ZNF805: variants seen among roughly 807,000 people sequenced by gnomAD.
The protein encoded by ZNF805 is zinc finger protein 805.
A neutral mutation model predicts 13.6 loss-of-function variants in ZNF805; 7 were observed. The observed-to-expected ratio is 0.51, with a 90% CI of 0.29 to 0.97. ZNF805 has a LOEUF of 0.97. Ranked by LOEUF, ZNF805 falls within the 50% of genes least tolerant of loss-of-function variation. The pLI is 0.08. For synonymous variants in ZNF805, 293 were observed against 279.8 expected, an observed-to-expected ratio of 1.05 and a Z score of -0.47; for missense variants, 604 against 771.0, an observed-to-expected ratio of 0.78 and a Z score of 2.57.
chr19:57,254,272 T>G lies in ZNF805; in HGVS notation c.1453T>G (p.Cys485Gly). 6.2e-7 allele frequency: 1 copy of G among 1,614,044 alleles called. No individual in the cohort carries two copies. Among genetic ancestry groups the G allele is most frequent in the Non-Finnish European group, 8.5e-7 (1 of 1,180,014 alleles). ...SIHTGEKPYE[C>G]MECGKAFNRR... ...CCACACTGGAGAGAAGCCCTATGAG[T>G]GCATGGAGTGTGGAAAGGCCTTCAA... The change falls in exon 4 of 4, where the codon TGC becomes GGC. Residue 485 changes from cysteine (C) to glycine (G), a missense_variant. By Grantham distance (159) the Cys-to-Gly change is radical. Coordinates refer to ENST00000414468, the MANE Select transcript of ZNF805 (RefSeq NM_001023563.4).
At position 57,243,913 on chromosome 19, in the gene ZNF805, G is replaced by T; in HGVS notation, c.31-10G>T. ...ACAGCAAACTCTACTACCTCTATTT[G>T]ACATTTCAGGTGTCTGTGACCTTTG... On this transcript the variant is annotated splice_polypyrimidine_tract_variant and intron_variant, in intron 1 of 3. Transcript: ENST00000414468. The T allele has an allele frequency of 6.2e-7, 1 of 1,614,082 alleles. No individual in the cohort carries two copies. The highest frequency in any genetic ancestry group is 1.1e-5 in the South Asian group (1 of 91,074).
rs1013474174 is a variant in ZNF805 at position 57,240,689 on chromosome 19, G to T, written c.-203G>T. 1.9e-6 allele frequency: 1 copy of T among 513,522 alleles called. No individual in the cohort carries two copies. Among genetic ancestry groups the T allele is most frequent in the Non-Finnish European group, 3.5e-6 (1 of 289,818 alleles). 31.8% of individuals were successfully genotyped at this position (513,522 alleles called of 1,614,324 possible). On this transcript the variant is annotated 5_prime_UTR_variant, in exon 1 of 4. Coordinates refer to ENST00000414468, the MANE Select transcript of ZNF805 (RefSeq NM_001023563.4). ...GGTGTTCCGTGGCCGCCTCCCTGGCGGCGCTGGGGAAATGAGCAGGTAGGA... is the reference window on the plus strand; with the variant it reads ...GGTGTTCCGTGGCCGCCTCCCTGGCTGCGCTGGGGAAATGAGCAGGTAGGA...
At chr19:57,248,454 G>A in intron 2 of ZNF805, 151 bp from the exon 3 acceptor site, 1 of 680,750 alleles carries the variant, frequency 1.5e-6, no homozygotes, top group South Asian at 1.8e-5. Flanking sequence ...CCTGCCCTTG[G>A]TTTCTAGATC....
At chr19:57,249,412 AAAAC>A (rs1267813619) in intron 3 of ZNF805, among the ~76,000 whole-genome samples, 1 of 152,258 alleles carries the variant, frequency 6.6e-6, no homozygotes, top group African/African-American at 2.4e-5. Flanking sequence ...ATTTTTATAA[AAAAC>A]AAAAAAGAAA....
intron 1 of ZNF805, among the ~76,000 whole-genome samples, chr19:57,242,677 T>C (rs1256878426): frequency 6.6e-6 from 1 of 152,192 alleles, no homozygotes; most frequent in East Asian, 1.9e-4. Context: ...GATGAGCTGG[T>C]CCAGGCACTG....
At chr19:57,246,379 A>G (rs1210646807) in intron 2 of ZNF805, among the ~76,000 whole-genome samples, 1 of 152,080 alleles carries the variant, frequency 6.6e-6, no homozygotes. Flanking sequence ...CTACATTTTC[A>G]TGGTTACCTG....
intron 1 of ZNF805, among the ~76,000 whole-genome samples, chr19:57,243,583 A>C (rs1249013846): frequency 3.9e-5 from 6 of 152,186 alleles, no homozygotes; most frequent in Non-Finnish European, 1.5e-5. Flanking sequence ...TGGACCAGTG[A>C]GGCTCAGGCA....
chr19:57,247,339 G>A (rs754555599), intron 2 of ZNF805, among the ~76,000 whole-genome samples: 4 of 152,028 alleles, frequency 2.6e-5, no homozygotes, highest in East Asian at 3.9e-4. Context: ...TCTCTGCCTC[G>A]TCACCACCCT....
chr19:57,244,199 CTTTTTT>C (rs1200854107), intron 2 of ZNF805, 150 bp downstream of exon 2: 157 of 290,736 alleles, frequency 5.4e-4, no homozygotes, highest in South Asian at 1.2e-3. Context: ...TCACCTCTTC[CTTTTTT>C]TTTTTTTTTT....
Position 57,245,583 on chromosome 19 carries a change from T to C in ZNF805, c.157+1534T>C, listed in dbSNP as rs113787215. Among the ~76,000 whole-genome samples, 1,414 of 149,116 alleles carry C rather than the reference T, an allele frequency of 9.5e-3. 24 individuals are homozygous for C. Among genetic ancestry groups the C allele is most frequent in the African/African-American group, 0.031 (1,271 of 40,400 alleles). On this transcript the variant is annotated intron_variant, in intron 2 of 3. Coordinates refer to ENST00000414468, the MANE Select transcript of ZNF805 (RefSeq NM_001023563.4). Reference sequence around the variant, plus strand: ...TCACAAGGTCAGGAGATAGAGACCATCCTGGCTAACACGGTGCAACCCTGT... The same window carrying C: ...TCACAAGGTCAGGAGATAGAGACCACCCTGGCTAACACGGTGCAACCCTGT...
rs992022232 is a variant in ZNF805 at position 57,255,913 on chromosome 19, A to G, written c.*1210A>G. 6.6e-6 allele frequency among the ~76,000 whole-genome samples: 1 copy of G among 152,122 alleles called. No homozygotes were observed. The highest frequency in any genetic ancestry group is 2.4e-5 in the African/African-American group (1 of 41,440). ...AAGTTATCCATGCCTTGTTCCTGATATTAGGGGGAAATGTTCAGTTTCTCA... is the reference window on the plus strand; with the variant it reads ...AAGTTATCCATGCCTTGTTCCTGATGTTAGGGGGAAATGTTCAGTTTCTCA... On this transcript the variant is annotated 3_prime_UTR_variant, in exon 4 of 4. Coordinates refer to ENST00000414468, the MANE Select transcript of ZNF805 (RefSeq NM_001023563.4).
At position 57,242,799 on chromosome 19, in the gene ZNF805, A is replaced by G. The variant is rs147650906; in HGVS notation, c.31-1124A>G. Among the ~76,000 whole-genome samples the G allele has an allele frequency of 1.0e-3, 158 of 152,330 alleles. 1 individual carries two copies. Among genetic ancestry groups the G allele is most frequent in the Non-Finnish European group, 1.7e-3 (116 of 68,036 alleles). Reference sequence around the variant, plus strand: ...GATTAAATAGCAAAAATATGTAGAAATGCTTCACAACTGTATTATAGTAGA... The same window carrying G: ...GATTAAATAGCAAAAATATGTAGAAGTGCTTCACAACTGTATTATAGTAGA... On this transcript the variant is annotated intron_variant, in intron 1 of 3. Transcript: ENST00000414468.
In ZNF805 at chr19:57,246,323, G is replaced by A. The variant is rs181128353; in HGVS notation, c.157+2274G>A. ...TGAGTAGCTAGGATTACAGGCAGGT[G>A]CCACCACGCCCAGCTAATTTTTGTA... On this transcript the variant is annotated intron_variant, in intron 2 of 3. Coordinates refer to ENST00000414468, the MANE Select transcript of ZNF805 (RefSeq NM_001023563.4). Among the ~76,000 whole-genome samples, 497 of 152,266 alleles carry A rather than the reference G, an allele frequency of 3.3e-3. 3 individuals are homozygous for A. The highest frequency in any genetic ancestry group is 0.011 in the African/African-American group (472 of 41,550).
At chr19:57,245,672 G>C (rs567316927) in intron 2 of ZNF805, among the ~76,000 whole-genome samples, 9 of 151,248 alleles carry the variant, frequency 6.0e-5, no homozygotes, top group South Asian at 2.1e-4. Context: ...CCAGCTACTC[G>C]GGAGGCTGAG....
At chr19:57,241,305 C>T (rs1486018061) in intron 1 of ZNF805, among the ~76,000 whole-genome samples, 1 of 151,960 alleles carries the variant, frequency 6.6e-6, no homozygotes, top group Non-Finnish European at 1.5e-5. Flanking sequence ...GAACAGTAGG[C>T]CCCAAATAGG....
rs774072842 is a variant in ZNF805 at position 57,254,275 on chromosome 19, A to G, written c.1456A>G (p.Met486Val). Residue 486 changes from methionine (M) to valine (V), a missense_variant, in exon 4 of 4, where the codon ATG becomes GTG. Met to Val is a conservative substitution (Grantham distance 21). This residue lies in a region of ZNF805 where 228 missense variants were observed against 352.8 expected (regional missense o/e 0.65). Transcript: ENST00000414468. ...IHTGEKPYEC[M>V]ECGKAFNRRS... Reference sequence around the variant, plus strand: ...CACTGGAGAGAAGCCCTATGAGTGCATGGAGTGTGGAAAGGCCTTCAACCG... The same window carrying G: ...CACTGGAGAGAAGCCCTATGAGTGCGTGGAGTGTGGAAAGGCCTTCAACCG... The G allele has an allele frequency of 1.4e-5, 22 of 1,613,750 alleles. No homozygotes were observed. Among genetic ancestry groups the G allele is most frequent in the East Asian group, 1.1e-4 (5 of 44,868 alleles).
chr19:57,243,693 A>T (rs1044392235), intron 1 of ZNF805, among the ~76,000 whole-genome samples: 1 of 152,156 alleles, frequency 6.6e-6, no homozygotes, highest in East Asian at 1.9e-4. Context: ...TCCACGAGTT[A>T]TTGCCATTGT....
rs1029646226 is a variant in ZNF805, at chr19:57,245,496, T to C, written c.157+1447T>C. 2.6e-5 allele frequency among the ~76,000 whole-genome samples: 4 copies of C among 152,164 alleles called. No individual in the cohort carries two copies. The East Asian group carries it at 7.7e-4, about 29-fold the overall frequency. ...ATTTTGGTTGTTAAAACTAAGATGA[T>C]GGGCCAGGTGCGATAGCTCATGCCT... On this transcript the variant is annotated intron_variant, in intron 2 of 3. Transcript: ENST00000414468.
chr19:57,260,764 C>G lies in ZNF805; in HGVS notation c.*6061C>G, dbSNP rs1159436743. Among the ~76,000 whole-genome samples, 1 of 152,202 alleles carries G rather than the reference C, an allele frequency of 6.6e-6. No homozygotes were observed. Among genetic ancestry groups the G allele is most frequent in the Non-Finnish European group, 1.5e-5 (1 of 68,038 alleles). ...GGTTGGATGTTTCTCATGTCGTTAA[C>G]CACTGGTCATCCTTCCACACCTTTT... On this transcript the variant is annotated 3_prime_UTR_variant, in exon 4 of 4. Coordinates refer to ENST00000414468, the MANE Select transcript of ZNF805 (RefSeq NM_001023563.4).
Sources: gnomAD v4.1 joint callset for allele counts (sites outside exome capture counted in the v4.1 genomes callset) on GRCh38, gnomAD v4.1.1 for gene constraint, gnomAD v4.1.1 regional missense constraint, MANE v1.5 for transcripts, NCBI Gene and HGNC (gene_info 2026-07-23, HGNC 2026-07-21) for gene names.